The following NAV3 variants were observed in gnomAD, a reference collection of about 807,000 sequenced individuals.
The protein encoded by NAV3 is pore membrane and/or filament interacting like protein 1.
Under a neutral mutation model 244.7 loss-of-function variants are expected in NAV3, and 87 were observed. That is an observed-to-expected ratio of 0.36 (90% CI 0.30 to 0.42). The LOEUF (loss-of-function observed/expected upper bound fraction) is 0.42. Among genes scored for constraint, NAV3 ranks in the 20% least tolerant of loss-of-function variants. The pLI is 1.00. For synonymous variants in NAV3, 1,126 were observed against 1,042.2 expected (o/e 1.08, Z -1.55); for missense variants, 2,663 against 2,893.3 (o/e 0.92, Z 1.83).
chr12:77,855,069 G>A (rs1442298250), intron 1 of NAV3, among the ~76,000 whole-genome samples: 4 of 152,168 alleles, frequency 2.6e-5, no homozygotes, highest in Admixed American at 2.6e-4. Context: ...GGAGCTTGCA[G>A]TGAGCTGAGA....
chr12:77,976,674 C>CTTTTTTTTT (rs869041498), intron 5 of NAV3, among the ~76,000 whole-genome samples: 31 of 83,438 alleles, frequency 3.7e-4, no homozygotes, highest in East Asian at 7.9e-4. Context: ...TTCTTTTTTT[C>CTTTTTTTTT]TTTTTTTTTT....
chr12:77,725,402 T>A (rs942564390), intron 2 of NAV3, among the ~76,000 whole-genome samples: 1 of 152,028 alleles, frequency 6.6e-6, no homozygotes, highest in African/African-American at 2.4e-5. Context: ...GGAAAAAGTA[T>A]AAAATTTCTC....
chr12:77,685,146 T>C (rs1369413491), intron 2 of NAV3, among the ~76,000 whole-genome samples: 3 of 152,210 alleles, frequency 2.0e-5, no homozygotes, highest in Non-Finnish European at 4.4e-5. Context: ...ACATGAAACC[T>C]ACTATTGTTC....
At chr12:78,102,853 C>T (rs1230194560) in intron 12 of NAV3, among the ~76,000 whole-genome samples, 1 of 152,192 alleles carries the variant, frequency 6.6e-6, no homozygotes, top group African/African-American at 2.4e-5. Context: ...GTGACTGGGA[C>T]ACAGGGCACC....
intron 5 of NAV3, among the ~76,000 whole-genome samples, chr12:77,984,416 G>A (rs796565647): frequency 1.1e-4 from 16 of 152,076 alleles, no homozygotes; most frequent in East Asian, 7.7e-4. Context: ...GGGTAATAGC[G>A]GCTAAAATTC....
intron 2 of NAV3, among the ~76,000 whole-genome samples, chr12:77,587,270 A>G (rs1269857834): frequency 2.0e-5 from 3 of 152,212 alleles, no homozygotes; most frequent in Non-Finnish European, 4.4e-5. Context: ...CTTTTCAAAT[A>G]CAATAAGATC....
chr12:78,141,496 T>A (rs1956611947), intron 20 of NAV3, among the ~76,000 whole-genome samples: 2 of 152,188 alleles, frequency 1.3e-5, no homozygotes, highest in Non-Finnish European at 2.9e-5. Context: ...ACTGATCAAC[T>A]GAGCATCATG....
chr12:77,637,577 T>C (rs1188349054), intron 2 of NAV3, among the ~76,000 whole-genome samples: 1 of 152,146 alleles, frequency 6.6e-6, no homozygotes, highest in Non-Finnish European at 1.5e-5. Flanking sequence ...ATTCACCCCA[T>C]GGAGTAGGCA....
At chr12:77,964,024 C>T (rs920024874) in intron 3 of NAV3, among the ~76,000 whole-genome samples, 1 of 145,974 alleles carries the variant, frequency 6.9e-6, no homozygotes, top group Admixed American at 6.9e-5. Context: ...CCTCTTCCCT[C>T]CTCCTCCTTT....
chr12:77,884,721 A>G (rs1046235278), intron 1 of NAV3, among the ~76,000 whole-genome samples: 19 of 152,116 alleles, frequency 1.2e-4, no homozygotes, highest in Admixed American at 1.0e-3. Context: ...CTCTCCAGAA[A>G]CATCTTCTCA....
At chr12:78,131,203 T>C (rs750647781) in intron 18 of NAV3, among the ~76,000 whole-genome samples, 1 of 152,334 alleles carries the variant, frequency 6.6e-6, no homozygotes, top group African/African-American at 2.4e-5. Context: ...GACTCAAGGC[T>C]ATGTCTTTTC....
intron 2 of NAV3, among the ~76,000 whole-genome samples, chr12:77,747,686 T>C (rs1233770494): frequency 1.3e-5 from 2 of 152,192 alleles, no homozygotes; most frequent in East Asian, 3.9e-4. Flanking sequence ...ATATACACCA[T>C]GGAATACTAA....
chr12:78,173,959 T>C (rs1958114794), intron 24 of NAV3, among the ~76,000 whole-genome samples: 1 of 151,758 alleles, frequency 6.6e-6, no homozygotes, highest in Admixed American at 6.6e-5. Context: ...AGTTATAGTT[T>C]TGTTGCCATG....
At chr12:78,183,060 T>C (rs1240615683) in intron 30 of NAV3, among the ~76,000 whole-genome samples, 1 of 151,974 alleles carries the variant, frequency 6.6e-6, no homozygotes, top group African/African-American at 2.4e-5. Context: ...AAGTCTTCAG[T>C]TTTTGGCCAG....
intron 12 of NAV3, among the ~76,000 whole-genome samples, chr12:78,085,784 T>C (rs1953603053): frequency 6.6e-6 from 1 of 152,066 alleles, no homozygotes; most frequent in Non-Finnish European, 1.5e-5. Flanking sequence ...GAACACAGCA[T>C]TTTGGCAAAG....
In NAV3 at chr12:77,823,110, C is replaced by A. The variant is rs148526189; in HGVS notation, c.73-117209C>A. 3.0e-3 allele frequency among the ~76,000 whole-genome samples: 450 copies of A among 152,254 alleles called. 3 individuals are homozygous for A. The highest frequency in any genetic ancestry group is 0.01 in the African/African-American group (419 of 41,542). ...GCTTACAACTGTGCTAGTTGACTTC[C>A]TGGAGGCAATATCCAGACCACAGAG... On this transcript the variant is annotated intron_variant, in intron 2 of 8. Transcript: ENST00000550042.
chr12:77,723,359 AGT>A (rs1876726262), intron 2 of NAV3, among the ~76,000 whole-genome samples: 1 of 74,826 alleles, frequency 1.3e-5, no homozygotes, highest in Non-Finnish European at 4.0e-5. Flanking sequence ...GTTATTGAAA[AGT>A]TTTTTTTTTT....
chr12:78,202,941 T>C (rs1959877403), intron 38 of NAV3, among the ~76,000 whole-genome samples: 1 of 152,094 alleles, frequency 6.6e-6, no homozygotes, highest in Admixed American at 6.6e-5. Context: ...AAACAAAGCC[T>C]GGTAGCAAAA....
At chr12:77,603,280 A>C (rs117620256) in intron 2 of NAV3, among the ~76,000 whole-genome samples, 4,354 of 152,176 alleles carry the variant, frequency 0.029, 84 homozygotes, top group Middle Eastern at 0.085. Context: ...CAAATAAGGT[A>C]ATAACTAAGA....
Sources: allele counts gnomAD v4.1 joint callset (sites outside exome capture counted in the v4.1 genomes callset), GRCh38; gene constraint gnomAD v4.1.1; transcripts MANE v1.5; gene names NCBI Gene and HGNC (gene_info 2026-07-23, HGNC 2026-07-21).